Variants in CNTNAP2 observed in about 807,000 individuals in gnomAD.
CNTNAP2 encodes the protein contactin-associated protein-like 2.
CNTNAP2 carries 98 observed loss-of-function variants against 155.2 expected under a neutral mutation model. The ratio of observed to expected loss-of-function variants is 0.63; its 90% CI spans 0.54 to 0.75. The LOEUF is 0.75. Among genes scored for constraint, CNTNAP2 ranks in the 30% least tolerant of loss-of-function variants. CNTNAP2 has a pLI of 0.00. For synonymous variants in CNTNAP2, 651 were observed against 631.2 expected (o/e 1.03, Z -0.47); for missense variants, 1,727 against 1,688.1 (o/e 1.02, Z -0.40).
At chr7:146,863,748 T>C (rs1403304646) in intron 3 of CNTNAP2, among the ~76,000 whole-genome samples, 1 of 152,094 alleles carries the variant, frequency 6.6e-6, no homozygotes, top group Non-Finnish European at 1.5e-5. Flanking sequence ...AGCTAGGCTA[T>C]TTAAGATTTC....
chr7:148,167,218 C>T (rs1805685471), intron 17 of CNTNAP2, among the ~76,000 whole-genome samples: 1 of 152,124 alleles, frequency 6.6e-6, no homozygotes, highest in Non-Finnish European at 1.5e-5. Flanking sequence ...CGGCTCACTG[C>T]AACCTCTGCC....
At chr7:147,155,714 C>A (rs538591534) in intron 8 of CNTNAP2, among the ~76,000 whole-genome samples, 10 of 152,004 alleles carry the variant, frequency 6.6e-5, no homozygotes, top group Non-Finnish European at 1.2e-4. Context: ...TTGGTGTATT[C>A]TACAATTTGT....
chr7:146,226,006 A>G (rs1484651811), intron 1 of CNTNAP2, among the ~76,000 whole-genome samples: 2 of 152,196 alleles, frequency 1.3e-5, no homozygotes, highest in Non-Finnish European at 2.9e-5. Flanking sequence ...ACTAGCAGAC[A>G]TGAAGATTGG....
intron 15 of CNTNAP2, among the ~76,000 whole-genome samples, chr7:148,026,285 C>CAA (rs908379084): frequency 4.0e-5 from 6 of 151,318 alleles, no homozygotes; most frequent in African/African-American, 9.8e-5. Flanking sequence ...CTCGTCTCTA[C>CAA]AAAAAAAAAA....
rs940585148 is a variant in CNTNAP2 at position 148,078,436 on chromosome 7, G to A, written c.2384-39682G>A. Among the ~76,000 whole-genome samples, 43 of 152,020 alleles carry A rather than the reference G, an allele frequency of 2.8e-4. 1 individual carries two copies. Among genetic ancestry groups the A allele is most frequent in the Non-Finnish European group, 1.2e-4 (8 of 68,006 alleles). On this transcript the variant is annotated intron_variant, in intron 15 of 23. Coordinates refer to ENST00000361727, the MANE Select transcript of CNTNAP2 (RefSeq NM_014141.6). ...ATTTCATCCAATCTAAAATAATAAT[G>A]AGTTTTAAATACTTATTTTTAACAT... is the stretch of plus-strand genomic sequence containing the variant.
chr7:148,331,379 ATGGAG>A (rs1798006687), intron 21 of CNTNAP2, among the ~76,000 whole-genome samples: 1 of 131,648 alleles, frequency 7.6e-6, no homozygotes, highest in Non-Finnish European at 1.6e-5. Context: ...GATGGAGTGG[ATGGAG>A]TGGACGGATG....
chr7:147,855,920 G>C (rs1157634604), intron 13 of CNTNAP2, among the ~76,000 whole-genome samples: 1 of 152,090 alleles, frequency 6.6e-6, no homozygotes, highest in Non-Finnish European at 1.5e-5. Flanking sequence ...AAAAGGCCTT[G>C]CCCTTTCCAC....
At position 147,716,768 on chromosome 7, in the gene CNTNAP2, C is replaced by T. The variant is rs1170799088; in HGVS notation, c.2098+77462C>T. Among the ~76,000 whole-genome samples, 5 of 152,054 alleles carry T rather than the reference C, an allele frequency of 3.3e-5. No homozygotes were observed. In the East Asian group the frequency reaches 5.8e-4, roughly 18 times the overall value. On this transcript the variant is annotated intron_variant, in intron 13 of 23. Coordinates refer to ENST00000361727, the MANE Select transcript of CNTNAP2 (RefSeq NM_014141.6). Reference sequence around the variant, plus strand: ...CTTTTTGTTAGAAGGGAAGTTCTGCCGAGGACTCTGTTGCCCTCACTATCT... The same window carrying T: ...CTTTTTGTTAGAAGGGAAGTTCTGCTGAGGACTCTGTTGCCCTCACTATCT...
chr7:147,325,755 ATATT>A (rs953976240), intron 9 of CNTNAP2, among the ~76,000 whole-genome samples: 1 of 152,234 alleles, frequency 6.6e-6, no homozygotes, highest in South Asian at 2.1e-4. Flanking sequence ...CATTTTAACT[ATATT>A]TAAGTGTACA....
rs1805807689 is a variant in CNTNAP2 at position 148,172,301 on chromosome 7, G to A, written c.2833G>A (p.Val945Met). The change falls in exon 18 of 24, where the codon GTG (valine) becomes ATG (methionine). Residue 945 changes from valine (V) to methionine (M), a missense_variant. By Grantham distance (21) the Val-to-Met change is conservative (BLOSUM62 1). Transcript: ENST00000361727. ...CATCCGCTCCTTGAGGATGAATGGG[G>A]TGACACTTGACCTGGAGGAAAGAGC... ...GCIRSLRMNG[V>M]TLDLEERAKV... The A allele has an allele frequency of 6.2e-7, 1 of 1,614,154 alleles. No individual in the cohort carries two copies. The highest frequency in any genetic ancestry group is 1.1e-5 in the South Asian group (1 of 91,080).
chr7:146,279,498 CTT>C (rs1314934644), intron 1 of CNTNAP2, among the ~76,000 whole-genome samples: 1 of 151,230 alleles, frequency 6.6e-6, no homozygotes, highest in African/African-American at 2.4e-5. Flanking sequence ...GAACAGGTAA[CTT>C]TGTAGTATCC....
At chr7:147,466,733 A>G (rs921205358) in intron 10 of CNTNAP2, among the ~76,000 whole-genome samples, 24 of 152,252 alleles carry the variant, frequency 1.6e-4, no homozygotes, top group Non-Finnish European at 2.8e-4. Context: ...CCTGGCCAAC[A>G]TGGTGATACC....
At chr7:147,939,706 T>G (rs1230775778) in intron 14 of CNTNAP2, among the ~76,000 whole-genome samples, 1 of 152,164 alleles carries the variant, frequency 6.6e-6, no homozygotes, top group African/African-American at 2.4e-5. Context: ...TTAAATGCAT[T>G]GTCAAGAATG....
At chr7:148,264,201 T>C (rs564891838) in intron 20 of CNTNAP2, among the ~76,000 whole-genome samples, 119 of 152,356 alleles carry the variant, frequency 7.8e-4, no homozygotes, top group African/African-American at 2.8e-3. Flanking sequence ...AAATGATTTT[T>C]GTTGTATATT....
At chr7:146,569,366 T>C (rs1339311779) in intron 1 of CNTNAP2, among the ~76,000 whole-genome samples, 1 of 152,228 alleles carries the variant, frequency 6.6e-6, no homozygotes, top group African/African-American at 2.4e-5. Context: ...TGAAATTCTT[T>C]GTGCTATCTT....
At chr7:147,851,525 A>G (rs1347140278) in intron 13 of CNTNAP2, among the ~76,000 whole-genome samples, 1 of 152,184 alleles carries the variant, frequency 6.6e-6, no homozygotes. Context: ...ACCAACCCAA[A>G]TATCCATCAA....
intron 9 of CNTNAP2, among the ~76,000 whole-genome samples, chr7:147,303,991 A>G (rs1794985477): frequency 6.6e-6 from 1 of 152,188 alleles, no homozygotes; most frequent in Non-Finnish European, 1.5e-5. Flanking sequence ...CTGCCGTCCT[A>G]CACTCTGTTT....
chr7:147,379,781 T>C (rs937848558), intron 9 of CNTNAP2, among the ~76,000 whole-genome samples: 18 of 152,192 alleles, frequency 1.2e-4, no homozygotes, highest in Non-Finnish European at 2.4e-4. Flanking sequence ...GGAGTTCCTA[T>C]TCTTTGCACA....
chr7:147,806,317 T>G (rs887353241), intron 13 of CNTNAP2, among the ~76,000 whole-genome samples: 2 of 152,116 alleles, frequency 1.3e-5, no homozygotes, highest in Non-Finnish European at 2.9e-5. Flanking sequence ...TTAAAATGGC[T>G]TTTATCAAAA....
Sources: allele counts gnomAD v4.1 joint callset (sites outside exome capture counted in the v4.1 genomes callset), GRCh38; gene constraint gnomAD v4.1.1; transcripts MANE v1.5; gene names NCBI Gene and HGNC (gene_info 2026-07-23, HGNC 2026-07-21).